The following CFAP299 variants were observed in gnomAD, a reference collection of about 807,000 sequenced individuals.
The protein encoded by CFAP299 is cilia- and flagella-associated protein 299.
Under a neutral mutation model 27.0 loss-of-function variants are expected in CFAP299, and 21 were observed. The observed-to-expected ratio is 0.78, with a 90% CI of 0.55 to 1.12. The LOEUF (loss-of-function observed/expected upper bound fraction) is 1.12, where lower values mean the gene tolerates loss of function less well. CFAP299 is among the 50% of genes most tolerant of loss of function. The pLI is 0.00. For synonymous variants in CFAP299, 104 were observed against 98.1 expected (o/e 1.06, Z -0.36); for missense variants, 310 against 276.6 (o/e 1.12, Z -0.86).
intron 1 of CFAP299, among the ~76,000 whole-genome samples, chr4:80,341,570 C>A (rs1284951016): frequency 6.6e-6 from 1 of 152,060 alleles, no homozygotes; most frequent in Non-Finnish European, 1.5e-5. Flanking sequence ...CTGCAGTGAT[C>A]CCCCAACAAG....
At chr4:80,681,366 G>A (rs1452339649) in intron 3 of CFAP299, among the ~76,000 whole-genome samples, 3 of 151,978 alleles carry the variant, frequency 2.0e-5, no homozygotes, top group Admixed American at 6.6e-5. Context: ...GCTGTACCCA[G>A]GTGTGCAGAA....
intron 3 of CFAP299, among the ~76,000 whole-genome samples, chr4:80,844,284 G>A (rs1731038560): frequency 1.3e-5 from 2 of 152,102 alleles, no homozygotes; most frequent in South Asian, 2.1e-4. Flanking sequence ...TGGGATGGCT[G>A]GGTCAAATGG....
At chr4:80,897,676 CA>C in intron 4 of CFAP299, among the ~76,000 whole-genome samples, 1 of 152,264 alleles carries the variant, frequency 6.6e-6, no homozygotes, top group African/African-American at 2.4e-5. Flanking sequence ...CATGTTTCTG[CA>C]AGTCAGGAAC....
At chr4:80,736,712 G>GT (rs1434806228) in intron 3 of CFAP299, among the ~76,000 whole-genome samples, 1 of 152,176 alleles carries the variant, frequency 6.6e-6, no homozygotes, top group Admixed American at 6.5e-5. Flanking sequence ...TACACTGTTG[G>GT]TGGGACTGTA....
intron 3 of CFAP299, among the ~76,000 whole-genome samples, chr4:80,706,603 G>A (rs1400589489): frequency 6.6e-6 from 1 of 151,808 alleles, no homozygotes; most frequent in Non-Finnish European, 1.5e-5. Flanking sequence ...ACATTAAACT[G>A]CTTCCTACTG....
intron 1 of CFAP299, among the ~76,000 whole-genome samples, chr4:80,353,932 C>A (rs1578345940): frequency 6.6e-6 from 1 of 152,086 alleles, no homozygotes; most frequent in Admixed American, 6.6e-5. Flanking sequence ...CTTTCAACAC[C>A]AGGCACCAAA....
In CFAP299 at chr4:80,757,733, G is replaced by GT. The variant is rs367552882; in HGVS notation, c.334-112251dup. 6.0e-4 allele frequency among the ~76,000 whole-genome samples: 90 copies of GT among 150,306 alleles called. 1 individual carries two copies. Among genetic ancestry groups the GT allele is most frequent in the African/African-American group, 1.8e-3 (74 of 40,914 alleles). On this transcript the variant is annotated intron_variant, in intron 3 of 5. Transcript: ENST00000358105. The stretch of plus-strand genomic sequence containing the variant: ...TTTGTTTGTTTGTTTGTTTGGTTTG[G>GT]TTTTTTTTTCATTTACGCAGTCTCA...
At chr4:80,784,388 A>G (rs1158800638) in intron 3 of CFAP299, among the ~76,000 whole-genome samples, 1 of 152,310 alleles carries the variant, frequency 6.6e-6, no homozygotes, top group East Asian at 1.9e-4. Flanking sequence ...TGCCCATCCT[A>G]ACATACATGA....
chr4:80,899,643 C>T (rs1461617586), intron 4 of CFAP299, among the ~76,000 whole-genome samples: 1 of 152,108 alleles, frequency 6.6e-6, no homozygotes, highest in Non-Finnish European at 1.5e-5. Context: ...TTTCAGTCCT[C>T]CTAGGGAATA....
intron 3 of CFAP299, among the ~76,000 whole-genome samples, chr4:80,622,572 T>A (rs113466526): frequency 1.5e-4 from 23 of 152,206 alleles, no homozygotes; most frequent in Non-Finnish European, 2.8e-4. Flanking sequence ...TATAATTTTT[T>A]ATTGTCAATA....
At chr4:80,844,410 C>T (rs1334964132) in intron 3 of CFAP299, among the ~76,000 whole-genome samples, 1 of 152,160 alleles carries the variant, frequency 6.6e-6, no homozygotes, top group African/African-American at 2.4e-5. Context: ...TCCTCTCCAG[C>T]ACCTGTTGTT....
intron 2 of CFAP299, among the ~76,000 whole-genome samples, chr4:80,500,624 T>A (rs1025302596): frequency 4.6e-5 from 7 of 152,144 alleles, no homozygotes; most frequent in African/African-American, 1.2e-4. Context: ...TCTAAAATGG[T>A]TTAATATTTG....
chr4:80,496,917 G>T (rs984167588), intron 2 of CFAP299, among the ~76,000 whole-genome samples: 11 of 152,082 alleles, frequency 7.2e-5, no homozygotes, highest in African/African-American at 2.2e-4. Flanking sequence ...ATGGAGGTAG[G>T]TGCCACAGTT....
chr4:80,492,014 C>T (rs561368400), intron 2 of CFAP299, among the ~76,000 whole-genome samples: 32 of 152,210 alleles, frequency 2.1e-4, no homozygotes, highest in Non-Finnish European at 4.1e-4. Flanking sequence ...TTGGTCTCCA[C>T]AATCTGTATC....
rs139698485 is a variant in CFAP299 at position 80,874,629 on chromosome 4, C to T, written c.476+4494C>T. On this transcript the variant is annotated intron_variant, in intron 4 of 5. Coordinates refer to ENST00000358105, the MANE Select transcript of CFAP299 (RefSeq NM_152770.3). Reference sequence around the variant, plus strand: ...CCAGAAAAGGGCTTAAACTAGTTCCCTCCAATTTCTTTATAAGGCACTAAT... The same window carrying T: ...CCAGAAAAGGGCTTAAACTAGTTCCTTCCAATTTCTTTATAAGGCACTAAT... Among the ~76,000 whole-genome samples the T allele has an allele frequency of 6.6e-5, 10 of 152,260 alleles. No homozygotes were observed. The East Asian group carries it at 1.7e-3, about 26-fold the overall frequency.
At chr4:80,819,551 A>T (rs1248865446) in intron 3 of CFAP299, among the ~76,000 whole-genome samples, 1 of 152,160 alleles carries the variant, frequency 6.6e-6, no homozygotes, top group South Asian at 2.1e-4. Context: ...AAAGGAGGGG[A>T]AATGCTAACT....
chr4:80,843,966 A>G (rs181373774), intron 3 of CFAP299, among the ~76,000 whole-genome samples: 101 of 151,944 alleles, frequency 6.6e-4, no homozygotes, highest in African/African-American at 2.4e-3. Flanking sequence ...ATGTGTTCTC[A>G]TTGTTCAATT....
At chr4:80,429,741 A>G (rs949921391) in intron 2 of CFAP299, among the ~76,000 whole-genome samples, 2 of 152,168 alleles carry the variant, frequency 1.3e-5, no homozygotes, top group Non-Finnish European at 2.9e-5. Flanking sequence ...CTATGATTCT[A>G]TATGATTCTA....
intron 3 of CFAP299, among the ~76,000 whole-genome samples, chr4:80,728,532 G>A (rs1029683232): frequency 5.3e-5 from 8 of 151,954 alleles, no homozygotes; most frequent in African/African-American, 7.3e-5. Flanking sequence ...TTTATTTGGA[G>A]CTTATATTTT....
Sources: allele counts gnomAD v4.1 joint callset (sites outside exome capture counted in the v4.1 genomes callset), GRCh38; gene constraint gnomAD v4.1.1; transcripts MANE v1.5; gene names NCBI Gene and HGNC (gene_info 2026-07-23, HGNC 2026-07-21).